Variants in GRID2 observed in about 807,000 individuals in gnomAD.
The protein encoded by GRID2 is glutamate ionotropic receptor delta type subunit 2, also known as glutamate receptor ionotropic, delta-2.
Under a neutral mutation model 114.8 loss-of-function variants are expected in GRID2, and 33 were observed. The observed-to-expected ratio is 0.29, with a 90% CI of 0.22 to 0.38. The LOEUF is 0.38. Among genes scored for constraint, GRID2 ranks in the 10% least tolerant of loss-of-function variants. The pLI is 1.00. For synonymous variants in GRID2, 505 were observed against 449.9 expected (o/e 1.12, Z -1.55); for missense variants, 1,184 against 1,257.7 (o/e 0.94, Z 0.89).
chr4:92,501,210 A>G (rs1723667019), intron 1 of GRID2, among the ~76,000 whole-genome samples: 1 of 152,124 alleles, frequency 6.6e-6, no homozygotes, highest in Non-Finnish European at 1.5e-5. Flanking sequence ...CAGTTGCAGT[A>G]ATTGATTGAT....
intron 2 of GRID2, among the ~76,000 whole-genome samples, chr4:92,592,214 G>A (rs1345272547): frequency 6.6e-6 from 1 of 151,836 alleles, no homozygotes; most frequent in African/African-American, 2.4e-5. Context: ...AATGTGAGCA[G>A]GAAAAACGTG....
In GRID2 at chr4:93,769,343, G is replaced by A. The variant is rs376024402; in HGVS notation, c.2494G>A (p.Ala832Thr). The change falls in exon 15 of 16, where the codon GCA becomes ACA. Residue 832 changes from alanine to threonine, a missense_variant. By Grantham distance (58) the Ala-to-Thr change is moderately conservative (BLOSUM62 0). This residue lies in a region of GRID2 where 717 missense variants were observed against 796.9 expected (regional missense o/e 0.90). Transcript: ENST00000282020. Reference protein sequence around the residue: ...KGGALDIKSFAGVFCILAAGI... With the variant: ...KGGALDIKSFTGVFCILAAGI... ...AGGCGCCCTGGACATAAAGAGCTTT[G>A]CAGGGGTCTTTTGTATCCTGGCTGC... is the stretch of plus-strand genomic sequence containing the variant. The A allele has an allele frequency of 1.9e-6, 3 of 1,613,926 alleles. No individual in the cohort carries two copies. The African/African-American group carries it at 4.0e-5, about 22-fold the overall frequency.
intron 4 of GRID2, among the ~76,000 whole-genome samples, chr4:93,120,636 C>T (rs191787666): frequency 1.3e-5 from 2 of 152,184 alleles, no homozygotes; most frequent in South Asian, 2.1e-4. Flanking sequence ...AGGACAAATA[C>T]CTAATGCATG....
At position 93,407,754 on chromosome 4, in the gene GRID2, C is replaced by A. The variant is rs1364190410; in HGVS notation, c.1347+12046C>A. Among the ~76,000 whole-genome samples the A allele has an allele frequency of 6.9e-5, 8 of 116,644 alleles. No individual in the cohort carries two copies. In the East Asian group the frequency reaches 2.1e-3, roughly 30 times the overall value. The allele number at this position is 116,644 out of a possible 152,430, so 76.5% of individuals were successfully genotyped here. A position where few individuals can be genotyped will look rare whatever the true frequency, so the allele number is the denominator to read the frequency against. ...CCTCCTCCTCCTCCTCCTCCTCCTC[C>A]TCGTCCTCCTCCTCCTCCTCCTCAT... On this transcript the variant is annotated intron_variant, in intron 9 of 15. Transcript: ENST00000282020.
At chr4:93,365,946 G>C (rs1452016503) in intron 8 of GRID2, among the ~76,000 whole-genome samples, 1 of 152,056 alleles carries the variant, frequency 6.6e-6, no homozygotes, top group African/African-American at 2.4e-5. Context: ...AAGATTTCAT[G>C]GACACTAACC....
At chr4:92,763,735 G>T (rs1340433241) in intron 2 of GRID2, among the ~76,000 whole-genome samples, 3 of 152,130 alleles carry the variant, frequency 2.0e-5, no homozygotes, top group Non-Finnish European at 4.4e-5. Flanking sequence ...GTTAGCTATA[G>T]GGTTATTTGA....
In GRID2 at chr4:92,921,882, G is replaced by A. The variant is rs552007826; in HGVS notation, c.245-163113G>A. On this transcript the variant is annotated intron_variant, in intron 2 of 15. Transcript: ENST00000282020. The stretch of plus-strand genomic sequence containing the variant: ...GCTACTCTCTTCAAAGCTGTCATAC[G>A]GGTACATTTAAGTCTGCAGAGTTTT... Among the ~76,000 whole-genome samples, 403 of 152,292 alleles carry A rather than the reference G, an allele frequency of 2.6e-3. 2 individuals carry two copies. Among genetic ancestry groups the A allele is most frequent in the Non-Finnish European group, 4.8e-3 (328 of 68,014 alleles).
chr4:92,335,339 C>T (rs1483501063), intron 1 of GRID2, among the ~76,000 whole-genome samples: 2 of 151,270 alleles, frequency 1.3e-5, no homozygotes, highest in African/African-American at 4.8e-5. Context: ...CTTGTTTTCT[C>T]ATCACATAAA....
At chr4:93,755,511 C>T (rs1312385860) in intron 14 of GRID2, among the ~76,000 whole-genome samples, 1 of 152,148 alleles carries the variant, frequency 6.6e-6, no homozygotes, top group Non-Finnish European at 1.5e-5. Flanking sequence ...GCTAACACTT[C>T]TAGCTTACTA....
At chr4:92,429,082 A>G (rs779695004) in intron 1 of GRID2, among the ~76,000 whole-genome samples, 14 of 151,532 alleles carry the variant, frequency 9.2e-5, no homozygotes, top group Non-Finnish European at 1.5e-4. Context: ...TCATTGTTCA[A>G]CTCCCACTTA....
chr4:93,555,664 C>T (rs374845420), intron 13 of GRID2, among the ~76,000 whole-genome samples: 5 of 152,272 alleles, frequency 3.3e-5, no homozygotes, highest in East Asian at 1.9e-4. Context: ...GGGGAAGGGG[C>T]GGCTGTGAAG....
At chr4:93,187,149 T>A (rs1033095204) in intron 4 of GRID2, among the ~76,000 whole-genome samples, 3 of 152,132 alleles carry the variant, frequency 2.0e-5, no homozygotes. Context: ...CTTTGATGAG[T>A]AGGTTTTCAT....
intron 2 of GRID2, among the ~76,000 whole-genome samples, chr4:92,870,878 A>T (rs1000421139): frequency 1.1e-4 from 17 of 152,218 alleles, no homozygotes; most frequent in Non-Finnish European, 2.4e-4. Context: ...CTTTAGTGAC[A>T]GGAAACAATA....
intron 2 of GRID2, among the ~76,000 whole-genome samples, chr4:93,036,911 T>C (rs549746750): frequency 6.6e-6 from 1 of 152,162 alleles, no homozygotes; most frequent in Non-Finnish European, 1.5e-5. Context: ...AGGATAAACA[T>C]TAACCCTTCA....
chr4:93,461,024 A>T (rs879874455), intron 11 of GRID2, among the ~76,000 whole-genome samples: 2 of 152,176 alleles, frequency 1.3e-5, no homozygotes, highest in Non-Finnish European at 2.9e-5. Context: ...CCCAGGAAAA[A>T]AGATAAATAG....
intron 13 of GRID2, among the ~76,000 whole-genome samples, chr4:93,525,350 A>C (rs1730779874): frequency 6.6e-6 from 1 of 152,184 alleles, no homozygotes; most frequent in South Asian, 2.1e-4. Context: ...AGTATGTGCA[A>C]GAAACAAAAA....
At chr4:92,993,454 A>G (rs1365173284) in intron 2 of GRID2, among the ~76,000 whole-genome samples, 2 of 152,150 alleles carry the variant, frequency 1.3e-5, no homozygotes, top group Non-Finnish European at 2.9e-5. Context: ...TAATATTTCT[A>G]TTATAAAACT....
chr4:92,354,741 T>C (rs934461582), intron 1 of GRID2, among the ~76,000 whole-genome samples: 1 of 151,980 alleles, frequency 6.6e-6, no homozygotes. Flanking sequence ...CAATTATTTA[T>C]GATTAATGTT....
At chr4:93,226,219 A>G (rs143596181) in intron 7 of GRID2, among the ~76,000 whole-genome samples, 1 of 152,278 alleles carries the variant, frequency 6.6e-6, no homozygotes, top group East Asian at 1.9e-4. Context: ...TTTCAGCATT[A>G]ACTCAAAAGT....
Sources: gnomAD v4.1 joint callset for allele counts (sites outside exome capture counted in the v4.1 genomes callset) on GRCh38, gnomAD v4.1.1 for gene constraint, gnomAD v4.1.1 regional missense constraint, MANE v1.5 for transcripts, NCBI Gene and HGNC (gene_info 2026-07-23, HGNC 2026-07-21) for gene names.